ABRAXAS1: variants seen among roughly 807,000 people sequenced by gnomAD.
ABRAXAS1 encodes the protein BRCA1-A complex subunit Abraxas 1.
A neutral mutation model predicts 38.4 loss-of-function variants in ABRAXAS1; 26 were observed. That is an observed-to-expected ratio of 0.68 (90% confidence interval 0.50 to 0.94). ABRAXAS1 has a LOEUF of 0.94. Ranked by LOEUF, ABRAXAS1 falls within the 40% of genes least tolerant of loss-of-function variation. The pLI, the probability that ABRAXAS1 is intolerant of heterozygous loss-of-function variation, is 0.00. For synonymous variants in ABRAXAS1, 144 were observed against 165.5 expected (o/e 0.87, Z 1.00); for missense variants, 438 against 481.9 (o/e 0.91, Z 0.85).
At chr4:83,479,403 C>CAAAAAAAAA (rs34420709) in intron 2 of ABRAXAS1, 1 of 102,952 alleles carries the variant, frequency 9.7e-6, no homozygotes, top group Non-Finnish European at 2.0e-5. Flanking sequence ...GACTCTGTTT[C>CAAAAAAAAA]AAAAAAAAAA....
At chr4:83,477,114 A>G (rs990352405) in intron 2 of ABRAXAS1, among the ~76,000 whole-genome samples, 34 of 152,244 alleles carry the variant, frequency 2.2e-4, no homozygotes, top group African/African-American at 7.5e-4. Context: ...CAATGGAATA[A>G]TATGTTGATC....
At chr4:83,477,935 G>A (rs755830589) in intron 2 of ABRAXAS1, 15 of 827,732 alleles carry the variant, frequency 1.8e-5, no homozygotes, top group Admixed American at 1.2e-4. Flanking sequence ...CAATCCCACC[G>A]ATGTTCTAAA....
chr4:83,477,740 G>A, intron 2 of ABRAXAS1: 1 of 654,958 alleles, frequency 1.5e-6, no homozygotes, highest in South Asian at 1.4e-5. Flanking sequence ...CTATAAAGCG[G>A]AAGGTGTATT....
intron 7 of ABRAXAS1, 62 bp downstream of exon 7, chr4:83,467,392 A>C (rs545818977): frequency 1.1e-6 from 1 of 926,346 alleles, no homozygotes; most frequent in Admixed American, 2.0e-5. Flanking sequence ...AAAAAATGTC[A>C]GTCATTAACT....
At chr4:83,476,389 G>C (rs975179186) in intron 3 of ABRAXAS1, among the ~76,000 whole-genome samples, 1 of 152,088 alleles carries the variant, frequency 6.6e-6, no homozygotes, top group Non-Finnish European at 1.5e-5. Context: ...AGAAGAAAAA[G>C]CAATTCTCAA....
chr4:83,484,182 T>C (rs947138969), intron 1 of ABRAXAS1: 1 of 984,818 alleles, frequency 1.0e-6, no homozygotes, highest in Admixed American at 6.2e-5. Context: ...TTAAGGCAAT[T>C]TTGAGTAAAA....
chr4:83,468,880 G>A, intron 6 of ABRAXAS1, 152 bp downstream of exon 6: 1 of 824,114 alleles, frequency 1.2e-6, no homozygotes, highest in Non-Finnish European at 1.9e-6. Flanking sequence ...TACACAAGCA[G>A]TAACAGGAGT....
intron 3 of ABRAXAS1, 106 bp from the exon 4 acceptor site, chr4:83,472,394 T>C (rs541403621): frequency 1.0e-4 from 55 of 547,848 alleles, no homozygotes; most frequent in African/African-American, 9.9e-4. Context: ...AAAGCCCATA[T>C]ACCTATTTGC....
chr4:83,467,229 A>G (rs1343298303), intron 7 of ABRAXAS1: 5 of 379,680 alleles, frequency 1.3e-5, no homozygotes, highest in South Asian at 3.6e-5. Context: ...GGTTTTCCCT[A>G]TGAAAACTAA....
At chr4:83,477,146 A>G (rs1722806878) in intron 2 of ABRAXAS1, among the ~76,000 whole-genome samples, 1 of 152,228 alleles carries the variant, frequency 6.6e-6, no homozygotes, top group African/African-American at 2.4e-5. Flanking sequence ...GTGTTTAAAC[A>G]TCTGTGATAA....
chr4:83,471,596 GA>G (rs1177013615), intron 4 of ABRAXAS1, among the ~76,000 whole-genome samples: 1 of 151,994 alleles, frequency 6.6e-6, no homozygotes, highest in Non-Finnish European at 1.5e-5. Context: ...TGTGTTTGGG[GA>G]AAAAATCCAT....
intron 3 of ABRAXAS1, among the ~76,000 whole-genome samples, chr4:83,472,906 A>C (rs1341350189): frequency 3.3e-5 from 5 of 152,196 alleles, no homozygotes; most frequent in African/African-American, 4.8e-5. Context: ...GACTGCAAAT[A>C]ATATTTTCTT....
Position 83,459,680 on chromosome 4 carries a change from C to T in ABRAXAS1, c.*2789G>A, listed in dbSNP as rs1722004432. ...CCTGAAGGTTGTTTTTTGAAATTTA[C>T]ACATTCAGAAATAAATAACAGATAC... is the stretch of plus-strand genomic sequence containing the variant. On this transcript the variant is annotated 3_prime_UTR_variant, in exon 9 of 9. Coordinates refer to ENST00000321945, the MANE Select transcript of ABRAXAS1 (RefSeq NM_139076.3). The T allele has an allele frequency of 4.8e-6, 7 of 1,453,860 alleles. No individual in the cohort carries two copies. Among genetic ancestry groups the T allele is most frequent in the Non-Finnish European group, 6.7e-6 (7 of 1,052,406 alleles). The allele number at this position is 1,453,860 out of a possible 1,614,324, so 90.1% of individuals were successfully genotyped here. A position where few individuals can be genotyped will look rare whatever the true frequency, so the allele number is the denominator to read the frequency against.
intron 7 of ABRAXAS1, among the ~76,000 whole-genome samples, chr4:83,466,353 TGAA>T (rs756490761): frequency 4.6e-5 from 7 of 152,242 alleles, no homozygotes; most frequent in South Asian, 2.1e-4. Context: ...AACTGACACA[TGAA>T]GAAGAACTGA....
At chr4:83,482,302 C>T (rs1723025540) in intron 1 of ABRAXAS1, 58 bp from the exon 2 acceptor site, 12 of 1,075,144 alleles carry the variant, frequency 1.1e-5, no homozygotes, top group South Asian at 9.6e-5. Flanking sequence ...GTTCACTTAA[C>T]TAACCGTATT....
chr4:83,463,356 C>A, intron 8 of ABRAXAS1, 138 bp downstream of exon 8: 1 of 528,732 alleles, frequency 1.9e-6, no homozygotes, highest in Admixed American at 3.8e-5. Flanking sequence ...TCGCTTGACC[C>A]CAGGAGGCAG....
intron 3 of ABRAXAS1, among the ~76,000 whole-genome samples, chr4:83,473,173 G>GA (rs368088033): frequency 1.8e-4 from 27 of 152,212 alleles, no homozygotes; most frequent in African/African-American, 6.0e-4. Context: ...CCAGTTTCTA[G>GA]AGAGAGCGAG....
At chr4:83,474,407 A>G (rs764042853) in intron 3 of ABRAXAS1, among the ~76,000 whole-genome samples, 10 of 151,904 alleles carry the variant, frequency 6.6e-5, no homozygotes, top group Non-Finnish European at 1.3e-4. Flanking sequence ...TTTTCTTACA[A>G]CCCTTTAAAA....
intron 7 of ABRAXAS1, among the ~76,000 whole-genome samples, chr4:83,464,225 T>A (rs1285811673): frequency 1.3e-5 from 2 of 151,908 alleles, no homozygotes; most frequent in Admixed American, 1.3e-4. Flanking sequence ...ACAAAAAAAA[T>A]ACAGATGCAG....
Sources: gnomAD v4.1 joint callset for allele counts (sites outside exome capture counted in the v4.1 genomes callset) on GRCh38, gnomAD v4.1.1 for gene constraint, MANE v1.5 for transcripts, NCBI Gene and HGNC (gene_info 2026-07-23, HGNC 2026-07-21) for gene names.